The following PCDH15 variants were observed in gnomAD, a reference collection of about 807,000 sequenced individuals.
PCDH15 encodes protocadherin-15.
PCDH15 carries 129 observed loss-of-function variants against 178.5 expected under a neutral mutation model. The observed-to-expected ratio is 0.72, with a 90% CI of 0.63 to 0.84. PCDH15 has a LOEUF of 0.84. Among genes scored for constraint, PCDH15 ranks in the 40% least tolerant of loss-of-function variants. PCDH15 has a pLI of 0.00. For synonymous variants in PCDH15, 800 were observed against 732.0 expected (o/e 1.09, Z -1.50); for missense variants, 2,230 against 2,099.9 (o/e 1.06, Z -1.21).
intron 2 of PCDH15, among the ~76,000 whole-genome samples, chr10:54,917,788 T>C (rs1454214800): frequency 6.6e-6 from 1 of 152,204 alleles, no homozygotes; most frequent in Non-Finnish European, 1.5e-5. Context: ...TCTGTGAATG[T>C]AACTGAATCT....
intron 2 of PCDH15, among the ~76,000 whole-genome samples, chr10:55,386,820 TA>T (rs1554860735): frequency 2.6e-5 from 4 of 152,126 alleles, no homozygotes; most frequent in African/African-American, 4.8e-5. Flanking sequence ...AAGTGGTATG[TA>T]ATGCGTGGCA....
At chr10:55,521,998 C>T (rs768551937) in intron 2 of PCDH15, among the ~76,000 whole-genome samples, 1 of 151,856 alleles carries the variant, frequency 6.6e-6, no homozygotes, top group Non-Finnish European at 1.5e-5. Flanking sequence ...ATATTGAATT[C>T]ATATCATGGT....
intron 18 of PCDH15, among the ~76,000 whole-genome samples, chr10:54,063,821 C>T (rs1245663998): frequency 6.6e-6 from 1 of 152,150 alleles, no homozygotes; most frequent in Non-Finnish European, 1.5e-5. Context: ...TCCAGCCGCC[C>T]TCTCCCAGCA....
intron 15 of PCDH15, among the ~76,000 whole-genome samples, chr10:54,093,895 A>T (rs977740434): frequency 6.6e-6 from 1 of 152,324 alleles, no homozygotes; most frequent in South Asian, 2.1e-4. Flanking sequence ...AGTATTTTCC[A>T]TAATATAAGA....
intron 25 of PCDH15, among the ~76,000 whole-genome samples, chr10:53,926,852 TTTATACCTATG>T (rs2084600526): frequency 6.6e-6 from 1 of 152,232 alleles, no homozygotes; most frequent in Admixed American, 6.5e-5. Context: ...CTACTTATTG[TTTATACCTATG>T]TTATAGCTTC....
At chr10:54,816,094 C>T (rs1490527245) in intron 3 of PCDH15, among the ~76,000 whole-genome samples, 3 of 152,040 alleles carry the variant, frequency 2.0e-5, no homozygotes, top group African/African-American at 4.8e-5. Context: ...GTCAACCATA[C>T]ATTGCAAATA....
At chr10:54,168,205 A>T (rs1424203607) in intron 13 of PCDH15, among the ~76,000 whole-genome samples, 11 of 152,204 alleles carry the variant, frequency 7.2e-5, no homozygotes, top group Non-Finnish European at 1.3e-4. Context: ...CCATCCTGCA[A>T]GATCTAAATA....
At chr10:54,000,590 A>G (rs1273196621) in intron 20 of PCDH15, among the ~76,000 whole-genome samples, 1 of 151,956 alleles carries the variant, frequency 6.6e-6, no homozygotes, top group Non-Finnish European at 1.5e-5. Flanking sequence ...AAGCAGAAGA[A>G]AGAATTAGTG....
chr10:54,065,042 C>T lies in PCDH15; in HGVS notation c.2220+1715G>A, dbSNP rs73237603. On this transcript the variant is annotated intron_variant, in intron 18 of 37. Transcript: ENST00000644397. Reference sequence around the variant, plus strand: ...TTTGCAGTGGCTGCTCCAGATGGGCCACTGCTGCCATCAGTATCTACAGCC... The same window carrying T: ...TTTGCAGTGGCTGCTCCAGATGGGCTACTGCTGCCATCAGTATCTACAGCC... Among the ~76,000 whole-genome samples the T allele has an allele frequency of 4.4e-3, 676 of 152,264 alleles. 7 individuals are homozygous for T. The highest frequency in any genetic ancestry group is 0.02 in the Middle Eastern group (6 of 294).
chr10:53,958,073 C>T (rs11003943), intron 23 of PCDH15, among the ~76,000 whole-genome samples: 1,611 of 152,136 alleles, frequency 0.011, 26 homozygotes, highest in African/African-American at 0.034. Context: ...CAGATGTATC[C>T]CTCACCTACC....
rs187407789 is a variant in PCDH15, at chr10:55,377,636, T to C, written c.-155-210985A>G. Reference sequence around the variant, plus strand: ...ATGACATTTATATTTGACCTTTACATAGAGGCCTCTTTGATCATTACAACT... The same window carrying C: ...ATGACATTTATATTTGACCTTTACACAGAGGCCTCTTTGATCATTACAACT... On this transcript the variant is annotated intron_variant, in intron 2 of 5. Transcript: ENST00000613346. 3.2e-3 allele frequency among the ~76,000 whole-genome samples: 491 copies of C among 152,238 alleles called. 2 individuals carry two copies. Among genetic ancestry groups the C allele is most frequent in the African/African-American group, 9.5e-3 (396 of 41,568 alleles).
chr10:55,086,483 G>T (rs1286995171), intron 2 of PCDH15, among the ~76,000 whole-genome samples: 1 of 152,006 alleles, frequency 6.6e-6, no homozygotes, highest in Non-Finnish European at 1.5e-5. Flanking sequence ...ATGTTTGCAA[G>T]TCCTGGTATA....
At chr10:53,880,650 G>A (rs2080640378) in intron 26 of PCDH15, among the ~76,000 whole-genome samples, 1 of 151,934 alleles carries the variant, frequency 6.6e-6, no homozygotes, top group African/African-American at 2.4e-5. Context: ...GTATGTCGAG[G>A]CAAATATAAT....
intron 2 of PCDH15, among the ~76,000 whole-genome samples, chr10:55,434,536 A>G (rs548042939): frequency 6.6e-6 from 1 of 152,266 alleles, no homozygotes; most frequent in Non-Finnish European, 1.5e-5. Flanking sequence ...TTATCCACAG[A>G]CACAAAATAT....
At chr10:54,560,088 C>T (rs1400661388) in intron 2 of PCDH15, among the ~76,000 whole-genome samples, 1 of 151,894 alleles carries the variant, frequency 6.6e-6, no homozygotes, top group East Asian at 1.9e-4. Flanking sequence ...TTGCCTTGAG[C>T]TTTGAGAATT....
chr10:54,937,390 T>C (rs781598018), intron 2 of PCDH15, among the ~76,000 whole-genome samples: 2 of 152,144 alleles, frequency 1.3e-5, no homozygotes, highest in Middle Eastern at 3.4e-3. Flanking sequence ...ACTGAAATCA[T>C]AGATCAATTA....
chr10:54,320,759 CG>C (rs2061553156), intron 7 of PCDH15, among the ~76,000 whole-genome samples: 1 of 151,680 alleles, frequency 6.6e-6, no homozygotes, highest in Non-Finnish European at 1.5e-5. Context: ...CTGCTTCTGA[CG>C]GTCTTAAAAA....
intron 2 of PCDH15, among the ~76,000 whole-genome samples, chr10:54,638,446 T>G (rs2093912749): frequency 6.6e-6 from 1 of 152,102 alleles, no homozygotes; most frequent in Non-Finnish European, 1.5e-5. Flanking sequence ...TTGCTGTATC[T>G]ACAGTATATC....
At chr10:54,848,938 GA>G (rs1953561205) in intron 3 of PCDH15, among the ~76,000 whole-genome samples, 2 of 152,156 alleles carry the variant, frequency 1.3e-5, no homozygotes, top group South Asian at 2.1e-4. Flanking sequence ...GCATTCCAGG[GA>G]GAAAATGCTA....
Sources: gnomAD v4.1 joint callset for allele counts (sites outside exome capture counted in the v4.1 genomes callset) on GRCh38, gnomAD v4.1.1 for gene constraint, MANE v1.5 for transcripts, NCBI Gene and HGNC (gene_info 2026-07-23, HGNC 2026-07-21) for gene names.